GRIA1: variants seen among roughly 807,000 people sequenced by gnomAD.
The protein encoded by GRIA1 is glutamate receptor 1.
A neutral mutation model predicts 99.2 loss-of-function variants in GRIA1; 31 were observed. The ratio of observed to expected loss-of-function variants is 0.31; its 90% CI spans 0.23 to 0.42. The LOEUF (loss-of-function observed/expected upper bound fraction) is 0.42, where lower values mean the gene tolerates loss of function less well. GRIA1 is among the 10% of genes least tolerant of loss of function. The probability of loss-of-function intolerance (pLI) is 1.00; values close to 1 mark genes in which losing one functional copy is unlikely to be tolerated. For synonymous variants in GRIA1, 438 were observed against 432.4 expected (o/e 1.01, Z -0.16); for missense variants, 782 against 1,157.5 (o/e 0.68, Z 4.71).
intron 2 of GRIA1, among the ~76,000 whole-genome samples, chr5:153,507,714 G>A (rs1755673978): frequency 6.6e-6 from 1 of 152,048 alleles, no homozygotes; most frequent in African/African-American, 2.4e-5. Flanking sequence ...TCAATTTATT[G>A]AAGACTATTT....
chr5:153,788,870 A>G (rs763256221), intron 13 of GRIA1, among the ~76,000 whole-genome samples: 6 of 152,278 alleles, frequency 3.9e-5, no homozygotes, highest in Non-Finnish European at 7.4e-5. Context: ...AATCATAACA[A>G]ATAACCATCT....
chr5:153,608,836 T>C lies in GRIA1; in HGVS notation c.221-38092T>C, dbSNP rs186951389. Among the ~76,000 whole-genome samples, 141 of 152,314 alleles carry C rather than the reference T, an allele frequency of 9.3e-4. 1 individual carries two copies. The highest frequency in any genetic ancestry group is 4.8e-3 in the Admixed American group (73 of 15,294). On this transcript the variant is annotated intron_variant, in intron 2 of 15. Transcript: ENST00000285900. ...TTCTGGACATTGAATTTGCAAAATTTCTTTGCAGAAATAATTTGAGGCCTA... is the reference window on the plus strand; with the variant it reads ...TTCTGGACATTGAATTTGCAAAATTCCTTTGCAGAAATAATTTGAGGCCTA...
intron 6 of GRIA1, among the ~76,000 whole-genome samples, chr5:153,675,392 T>C (rs1449987520): frequency 2.0e-5 from 3 of 152,270 alleles, no homozygotes; most frequent in African/African-American, 7.2e-5. Context: ...GCAGACTCTC[T>C]GCTTCTCACT....
intron 2 of GRIA1, among the ~76,000 whole-genome samples, chr5:153,549,626 G>A (rs1397622110): frequency 6.6e-6 from 1 of 152,052 alleles, no homozygotes; most frequent in Non-Finnish European, 1.5e-5. Context: ...GCCAAAGAAT[G>A]GACTGTGGTA....
intron 2 of GRIA1, among the ~76,000 whole-genome samples, chr5:153,605,778 A>G (rs185608536): frequency 6.6e-6 from 1 of 152,304 alleles, no homozygotes; most frequent in East Asian, 1.9e-4. Flanking sequence ...AAATGCTGAT[A>G]TGCTTTTTTA....
At chr5:153,621,467 A>G (rs1408917505) in intron 2 of GRIA1, among the ~76,000 whole-genome samples, 1 of 143,416 alleles carries the variant, frequency 7.0e-6, no homozygotes, top group African/African-American at 2.5e-5. Flanking sequence ...ATTAAAAGAA[A>G]TTAAAGTTTA....
chr5:153,527,212 T>A (rs479946), intron 2 of GRIA1, among the ~76,000 whole-genome samples: 3 of 151,920 alleles, frequency 2.0e-5, no homozygotes, highest in Non-Finnish European at 1.5e-5. Context: ...AAATTTCCAA[T>A]AGCTAAATTC....
intron 2 of GRIA1, among the ~76,000 whole-genome samples, chr5:153,585,241 CCCCCT>C (rs1274000526): frequency 2.0e-5 from 3 of 150,062 alleles, no homozygotes; most frequent in Non-Finnish European, 4.4e-5. Flanking sequence ...TCACTTCCTT[CCCCCT>C]CCCCTCATTT....
chr5:153,574,732 G>A (rs1488883313), intron 2 of GRIA1, among the ~76,000 whole-genome samples: 2 of 152,114 alleles, frequency 1.3e-5, no homozygotes, highest in Non-Finnish European at 2.9e-5. Flanking sequence ...CAAAGGAGAA[G>A]TAATATAGGA....
intron 13 of GRIA1, among the ~76,000 whole-genome samples, chr5:153,784,916 C>T (rs1764876590): frequency 6.6e-6 from 1 of 152,170 alleles, no homozygotes; most frequent in Non-Finnish European, 1.5e-5. Flanking sequence ...TGCTTTTCCT[C>T]GGCAGTGGCA....
chr5:153,540,905 T>C (rs984868928), intron 2 of GRIA1, among the ~76,000 whole-genome samples: 12 of 152,110 alleles, frequency 7.9e-5, no homozygotes, highest in Admixed American at 5.2e-4. Flanking sequence ...CTTTGGGAAT[T>C]GAATGAACGT....
chr5:153,560,222 A>G (rs955378023), intron 2 of GRIA1, among the ~76,000 whole-genome samples: 5 of 152,054 alleles, frequency 3.3e-5, no homozygotes, highest in Non-Finnish European at 7.4e-5. Flanking sequence ...GTTCTGTTGG[A>G]TTATTTTAGC....
chr5:153,538,279 T>C (rs899460661), intron 2 of GRIA1, among the ~76,000 whole-genome samples: 1 of 152,206 alleles, frequency 6.6e-6, no homozygotes, highest in Non-Finnish European at 1.5e-5. Context: ...TTTTAACAGT[T>C]TATTGAGATA....
chr5:153,705,398 C>T (rs746423474), intron 10 of GRIA1, among the ~76,000 whole-genome samples: 3 of 152,162 alleles, frequency 2.0e-5, no homozygotes, highest in Non-Finnish European at 4.4e-5. Context: ...AGTGGGGCTG[C>T]TGAGCAGGCA....
intron 2 of GRIA1, among the ~76,000 whole-genome samples, chr5:153,575,495 C>T (rs114911009): frequency 0.013 from 1,907 of 152,238 alleles, 48 homozygotes; most frequent in African/African-American, 0.043. Context: ...TTTAGGAAGT[C>T]CTAAAGGCTG....
At chr5:153,773,839 G>A (rs1324400899) in intron 13 of GRIA1, among the ~76,000 whole-genome samples, 1 of 152,074 alleles carries the variant, frequency 6.6e-6, no homozygotes, top group Non-Finnish European at 1.5e-5. Context: ...TGGTAGTCAT[G>A]GGGCCATCAT....
intron 14 of GRIA1, among the ~76,000 whole-genome samples, chr5:153,800,165 C>G (rs1179889062): frequency 6.6e-6 from 1 of 152,124 alleles, no homozygotes; most frequent in Non-Finnish European, 1.5e-5. Flanking sequence ...TTACCACCTG[C>G]CCTCAGGCCT....
At chr5:153,635,739 C>T (rs201862735) in intron 2 of GRIA1, among the ~76,000 whole-genome samples, 1 of 152,196 alleles carries the variant, frequency 6.6e-6, no homozygotes, top group East Asian at 1.9e-4. Context: ...CGTGGTAGAG[C>T]CTTGGCCTCA....
At chr5:153,613,236 A>G (rs1766161587) in intron 2 of GRIA1, among the ~76,000 whole-genome samples, 1 of 152,202 alleles carries the variant, frequency 6.6e-6, no homozygotes, top group Non-Finnish European at 1.5e-5. Context: ...TGCCTCCACA[A>G]GCATTTCAAT....
Sources: allele counts gnomAD v4.1 joint callset (sites outside exome capture counted in the v4.1 genomes callset), GRCh38; gene constraint gnomAD v4.1.1; transcripts MANE v1.5; gene names NCBI Gene and HGNC (gene_info 2026-07-23, HGNC 2026-07-21).